BBX: variants seen among roughly 807,000 people sequenced by gnomAD.
The protein encoded by BBX is BBX high mobility group box domain containing.
In BBX, 30 loss-of-function variants were observed where a neutral mutation model predicts 100.2. The ratio of observed to expected loss-of-function variants is 0.30; its 90% confidence interval spans 0.22 to 0.41. The LOEUF is 0.41. Ranked by LOEUF, BBX falls within the 10% of genes least tolerant of loss-of-function variation. The probability of loss-of-function intolerance (pLI) is 1.00; values close to 1 mark genes in which losing one functional copy is unlikely to be tolerated. For missense variants in BBX, 1,023 were observed against 1,129.8 expected, an observed-to-expected ratio of 0.91 and a Z score of 1.35; for synonymous variants, 376 against 388.1, an observed-to-expected ratio of 0.97 and a Z score of 0.37.
At chr3:107,666,752 A>G (rs1471428127) in intron 3 of BBX, among the ~76,000 whole-genome samples, 3 of 152,098 alleles carry the variant, frequency 2.0e-5, no homozygotes, top group East Asian at 1.9e-4. Context: ...TTGTATTTTC[A>G]GTAGAGACGG....
At chr3:107,645,326 C>A (rs1382944360) in intron 2 of BBX, among the ~76,000 whole-genome samples, 3 of 152,168 alleles carry the variant, frequency 2.0e-5, no homozygotes, top group Non-Finnish European at 4.4e-5. Context: ...ATTTGTCCCC[C>A]TCACCCCAGG....
intron 7 of BBX, among the ~76,000 whole-genome samples, chr3:107,737,841 G>C (rs1028154141): frequency 2.3e-5 from 3 of 131,340 alleles, no homozygotes; most frequent in Non-Finnish European, 4.7e-5. Context: ...GTTAAATATT[G>C]CTTATTCAAA....
intron 7 of BBX, among the ~76,000 whole-genome samples, chr3:107,737,423 C>T (rs1427371918): frequency 6.6e-6 from 1 of 151,840 alleles, no homozygotes; most frequent in Admixed American, 6.6e-5. Flanking sequence ...TTTTTAATAT[C>T]TGGGAAAAAT....
intron 2 of BBX, among the ~76,000 whole-genome samples, chr3:107,598,341 C>T (rs1028416622): frequency 2.6e-5 from 4 of 152,180 alleles, no homozygotes; most frequent in Non-Finnish European, 4.4e-5. Context: ...TGAGTCTTTG[C>T]AATCCTAATT....
At chr3:107,599,907 C>T (rs965274983) in intron 2 of BBX, among the ~76,000 whole-genome samples, 2 of 64,896 alleles carry the variant, frequency 3.1e-5, no homozygotes, top group African/African-American at 6.4e-5. Context: ...TATTTATGAA[C>T]CACATGACAA....
At chr3:107,643,664 G>A (rs1374434095) in intron 2 of BBX, among the ~76,000 whole-genome samples, 2 of 151,740 alleles carry the variant, frequency 1.3e-5, no homozygotes, top group Non-Finnish European at 2.9e-5. Context: ...CATACTTAGG[G>A]CATTTCCCCC....
intron 6 of BBX, among the ~76,000 whole-genome samples, chr3:107,729,373 T>C (rs1217906172): frequency 6.6e-6 from 1 of 152,120 alleles, no homozygotes; most frequent in African/African-American, 2.4e-5. Context: ...TTGGAAACAT[T>C]GAGGGCAAGA....
chr3:107,769,227 T>TAGATAGAC (rs776680873), intron 10 of BBX, among the ~76,000 whole-genome samples: 59 of 89,862 alleles, frequency 6.6e-4, no homozygotes, highest in Admixed American at 3.2e-3. Context: ...GATAGATAGA[T>TAGATAGAC]AGACAGATAG....
chr3:107,623,858 T>C (rs981610083), intron 2 of BBX, among the ~76,000 whole-genome samples: 1 of 152,200 alleles, frequency 6.6e-6, no homozygotes, highest in African/African-American at 2.4e-5. Flanking sequence ...TTCATAAATA[T>C]AAGAATGTAA....
At chr3:107,628,926 G>A (rs1224426408) in intron 2 of BBX, among the ~76,000 whole-genome samples, 3 of 152,164 alleles carry the variant, frequency 2.0e-5, no homozygotes, top group Admixed American at 1.3e-4. Context: ...ACTACATCAT[G>A]TTTATCACAA....
intron 2 of BBX, among the ~76,000 whole-genome samples, chr3:107,634,203 T>C (rs1024003896): frequency 1.3e-5 from 2 of 152,256 alleles, no homozygotes; most frequent in Admixed American, 1.3e-4. Flanking sequence ...TATGCTTACA[T>C]GCCACCTCGT....
intron 2 of BBX, among the ~76,000 whole-genome samples, chr3:107,567,531 CT>C (rs1388225556): frequency 6.6e-6 from 1 of 152,028 alleles, no homozygotes; most frequent in African/African-American, 2.4e-5. Context: ...TTCTTGATTA[CT>C]TTTTTGTCTA....
At position 107,733,909 on chromosome 3, in the gene BBX, A is replaced by G. The variant is rs150229417; in HGVS notation, c.669+886A>G. Among the ~76,000 whole-genome samples, 659 of 152,204 alleles carry G rather than the reference A, an allele frequency of 4.3e-3. 5 individuals carry two copies. Among genetic ancestry groups the G allele is most frequent in the African/African-American group, 0.015 (617 of 41,532 alleles). The stretch of plus-strand genomic sequence containing the variant: ...TGGCAGTTAACCATGCACAGTCTGC[A>G]TTTGTAGAATTCCCCTATTTCCCAG... On this transcript the variant is annotated intron_variant, in intron 7 of 17. Transcript: ENST00000325805.
At chr3:107,687,980 G>A (rs1479476774) in intron 3 of BBX, among the ~76,000 whole-genome samples, 1 of 152,066 alleles carries the variant, frequency 6.6e-6, no homozygotes, top group Non-Finnish European at 1.5e-5. Context: ...ACTTGAACCC[G>A]GGAGGCGGAG....
intron 3 of BBX, among the ~76,000 whole-genome samples, chr3:107,705,150 T>G (rs1012799941): frequency 1.3e-5 from 2 of 152,084 alleles, no homozygotes; most frequent in African/African-American, 4.8e-5. Context: ...TTTGGGCTGG[T>G]TTTTCCTCTC....
chr3:107,640,575 T>C (rs1030016965), intron 2 of BBX, among the ~76,000 whole-genome samples: 1 of 152,174 alleles, frequency 6.6e-6, no homozygotes, highest in Non-Finnish European at 1.5e-5. Context: ...ATGCTACTAT[T>C]ATTTAGCTTT....
At chr3:107,532,665 A>G (rs927750637) in intron 2 of BBX, among the ~76,000 whole-genome samples, 21 of 152,228 alleles carry the variant, frequency 1.4e-4, no homozygotes, top group African/African-American at 5.1e-4. Flanking sequence ...AATACAGAAG[A>G]CTACAGGTAT....
intron 2 of BBX, among the ~76,000 whole-genome samples, chr3:107,637,201 A>G (rs898840116): frequency 4.4e-4 from 67 of 152,316 alleles, no homozygotes; most frequent in African/African-American, 1.6e-3. Context: ...ATTTAAGAAC[A>G]CAAAGAAATA....
chr3:107,783,617 C>A lies in BBX; in HGVS notation c.2203+5098C>A, dbSNP rs371848412. On this transcript the variant is annotated intron_variant, in intron 13 of 17. Coordinates refer to ENST00000325805, the MANE Select transcript of BBX (RefSeq NM_001142568.3). Reference sequence around the variant, plus strand: ...GGTAAATCACTAGGATCTTTATAATCCTGAGTAGTAATTTTTCTCCTTTCT... The same window carrying A: ...GGTAAATCACTAGGATCTTTATAATACTGAGTAGTAATTTTTCTCCTTTCT... 5.5e-4 allele frequency among the ~76,000 whole-genome samples: 83 copies of A among 152,026 alleles called. No individual in the cohort carries two copies. The South Asian group carries it at 6.4e-3, about 12-fold the overall frequency.
Sources: gnomAD v4.1 joint callset for allele counts (sites outside exome capture counted in the v4.1 genomes callset) on GRCh38, gnomAD v4.1.1 for gene constraint, MANE v1.5 for transcripts, NCBI Gene and HGNC (gene_info 2026-07-23, HGNC 2026-07-21) for gene names.